THSD7B: variants seen among roughly 807,000 people sequenced by gnomAD.
THSD7B encodes thrombospondin type 1 domain containing 7B.
Under a neutral mutation model 213.6 loss-of-function variants are expected in THSD7B, and 138 were observed. That is an observed-to-expected ratio of 0.65 (90% CI 0.56 to 0.74). The LOEUF (loss-of-function observed/expected upper bound fraction) is 0.74. THSD7B is among the 30% of genes least tolerant of loss of function. The pLI, the probability that THSD7B is intolerant of heterozygous loss-of-function variation, is 0.00. For synonymous variants in THSD7B, 742 were observed against 687.0 expected, an observed-to-expected ratio of 1.08 and a Z score of -1.25; for missense variants, 1,931 against 1,991.5, an observed-to-expected ratio of 0.97 and a Z score of 0.58.
At chr2:137,468,102 G>A (rs1262938792) in intron 15 of THSD7B, among the ~76,000 whole-genome samples, 1 of 152,160 alleles carries the variant, frequency 6.6e-6, no homozygotes, top group African/African-American at 2.4e-5. Flanking sequence ...ACCTTCTGTA[G>A]ACTATTGAAG....
At chr2:137,187,591 A>T (rs1573874939) in intron 7 of THSD7B, among the ~76,000 whole-genome samples, 1 of 152,196 alleles carries the variant, frequency 6.6e-6, no homozygotes, top group Non-Finnish European at 1.5e-5. Flanking sequence ...AGAGGCTAGA[A>T]ATACAAGATT....
At chr2:137,168,485 T>G (rs1680177656) in intron 6 of THSD7B, among the ~76,000 whole-genome samples, 1 of 152,186 alleles carries the variant, frequency 6.6e-6, no homozygotes, top group South Asian at 2.1e-4. Context: ...TGTGCTGTGG[T>G]TTGATCCTAG....
At chr2:136,857,828 A>G (rs1244477470) in intron 1 of THSD7B, among the ~76,000 whole-genome samples, 1 of 152,206 alleles carries the variant, frequency 6.6e-6, no homozygotes, top group Non-Finnish European at 1.5e-5. Context: ...ACTATTGAAC[A>G]TCGATTTATC....
intron 2 of THSD7B, among the ~76,000 whole-genome samples, chr2:137,002,624 C>A (rs1194500900): frequency 6.6e-6 from 1 of 152,164 alleles, no homozygotes; most frequent in African/African-American, 2.4e-5. Flanking sequence ...TCCATAACAT[C>A]TAACACAAAT....
At chr2:136,829,909 C>T (rs182996914) in intron 1 of THSD7B, among the ~76,000 whole-genome samples, 7 of 152,096 alleles carry the variant, frequency 4.6e-5, no homozygotes, top group African/African-American at 9.6e-5. Flanking sequence ...TTACAAATAT[C>T]CTTTCCCTCT....
chr2:137,562,974 C>T (rs868212387), intron 15 of THSD7B, among the ~76,000 whole-genome samples: 6 of 151,988 alleles, frequency 3.9e-5, no homozygotes, highest in Admixed American at 2.0e-4. Flanking sequence ...AGGAAATGAC[C>T]GTCCTTTGTT....
chr2:136,968,744 G>C (rs76097466), intron 2 of THSD7B, among the ~76,000 whole-genome samples: 1,977 of 152,106 alleles, frequency 0.013, 58 homozygotes, highest in African/African-American at 0.045. Context: ...TAAGTCTTCA[G>C]TCCATTTTTG....
chr2:137,308,823 G>GT (rs1168860909), intron 12 of THSD7B, among the ~76,000 whole-genome samples: 6 of 151,946 alleles, frequency 3.9e-5, no homozygotes, highest in South Asian at 2.1e-4. Context: ...ACACACAACT[G>GT]TTTTTTTCCT....
chr2:137,336,917 T>C (rs184286374), intron 12 of THSD7B, among the ~76,000 whole-genome samples: 77 of 152,214 alleles, frequency 5.1e-4, no homozygotes, highest in African/African-American at 1.8e-3. Flanking sequence ...AATTTTTTAA[T>C]GTATCAACTT....
chr2:137,071,987 A>G (rs1687499670), intron 3 of THSD7B, among the ~76,000 whole-genome samples: 1 of 152,194 alleles, frequency 6.6e-6, no homozygotes, highest in African/African-American at 2.4e-5. Context: ...TGGTACCAGT[A>G]TCATGCTGTT....
chr2:137,163,834 G>C (rs774981399), intron 6 of THSD7B, among the ~76,000 whole-genome samples: 97 of 152,328 alleles, frequency 6.4e-4, no homozygotes, highest in Non-Finnish European at 8.8e-4. Flanking sequence ...AAGAAGTAAG[G>C]TAATTTGTCT....
chr2:136,844,628 C>T (rs1405472005), intron 1 of THSD7B, among the ~76,000 whole-genome samples: 2 of 152,116 alleles, frequency 1.3e-5, no homozygotes, highest in African/African-American at 4.8e-5. Flanking sequence ...AAGATTGGAT[C>T]TGAGCACACA....
chr2:137,300,070 T>C (rs1194944943), intron 12 of THSD7B, among the ~76,000 whole-genome samples: 1 of 152,164 alleles, frequency 6.6e-6, no homozygotes, highest in Non-Finnish European at 1.5e-5. Context: ...AGGTTGATTA[T>C]GATTTCTTAA....
intron 7 of THSD7B, among the ~76,000 whole-genome samples, chr2:137,195,965 C>G (rs528176859): frequency 6.6e-6 from 1 of 152,132 alleles, no homozygotes; most frequent in South Asian, 2.1e-4. Context: ...ATTGACCATC[C>G]CTAATCTAAA....
chr2:137,233,007 A>C lies in THSD7B; in HGVS notation c.2024A>C (p.Glu675Ala). ...WETSPWGPCS[E>A]DTLVTALNAT... is the part of the protein sequence containing the mutation. ...ACATCGCCTTGGGGCCCTTGTTCTG[A>C]GGACACATTGGTAACTGCCCTTAAT... Residue 675 changes from glutamate to alanine, a missense_variant, in exon 9 of 28, where the codon GAG becomes GCG. Coordinates refer to ENST00000409968, the MANE Select transcript of THSD7B (RefSeq NM_001316349.2). 6.2e-7 allele frequency: 1 copy of C among 1,613,930 alleles called. No individual in the cohort carries two copies. Among genetic ancestry groups the C allele is most frequent in the Non-Finnish European group, 8.5e-7 (1 of 1,179,860 alleles).
chr2:137,328,934 A>G (rs1160365809), intron 12 of THSD7B, among the ~76,000 whole-genome samples: 1 of 152,186 alleles, frequency 6.6e-6, no homozygotes, highest in Non-Finnish European at 1.5e-5. Context: ...TGAGTCAACT[A>G]AACTTCCTTT....
At chr2:137,079,293 T>C (rs2104902515) in intron 3 of THSD7B, among the ~76,000 whole-genome samples, 1 of 152,320 alleles carries the variant, frequency 6.6e-6, no homozygotes, top group South Asian at 2.1e-4. Context: ...ACTATTTTTC[T>C]TCAGTTGGCC....
In THSD7B at chr2:137,115,107, T is replaced by TAAACC; in HGVS notation, c.1200-7_1200-3dup. On this transcript the variant is annotated splice_polypyrimidine_tract_variant and intron_variant, in intron 4 of 27. Transcript: ENST00000409968. Reference sequence around the variant, plus strand: ...TCTTACTTCTTCTTCTTCTTTTAAATAAACCAAACCAAACAGGTATTCCTG... The same window carrying TAAACC: ...TCTTACTTCTTCTTCTTCTTTTAAATAAACCAAACCAAACCAAACAGGTATTCCTG... The TAAACC allele has an allele frequency of 6.2e-7, 1 of 1,613,918 alleles. No individual in the cohort carries two copies. The highest frequency in any genetic ancestry group is 1.1e-5 in the South Asian group (1 of 91,082).
intron 12 of THSD7B, among the ~76,000 whole-genome samples, chr2:137,398,676 C>G (rs1046020438): frequency 1.3e-5 from 2 of 152,156 alleles, no homozygotes; most frequent in Non-Finnish European, 2.9e-5. Flanking sequence ...CCTCCTTGAG[C>G]TGTGGTGGGC....
Sources: gnomAD v4.1 joint callset for allele counts (sites outside exome capture counted in the v4.1 genomes callset) on GRCh38, gnomAD v4.1.1 for gene constraint, MANE v1.5 for transcripts, NCBI Gene and HGNC (gene_info 2026-07-23, HGNC 2026-07-21) for gene names.